The following TBC1D22A variants were observed in gnomAD, a reference collection of about 807,000 sequenced individuals.
TBC1D22A encodes putative GTPase activator.
Under a neutral mutation model 60.2 loss-of-function variants are expected in TBC1D22A, and 38 were observed. The ratio of observed to expected loss-of-function variants is 0.63; its 90% CI spans 0.49 to 0.83. The LOEUF is 0.83. TBC1D22A is among the 40% of genes least tolerant of loss of function. The probability of loss-of-function intolerance (pLI) is 0.00; values close to 1 mark genes in which losing one functional copy is unlikely to be tolerated. For synonymous variants in TBC1D22A, 302 were observed against 281.7 expected (o/e 1.07, Z -0.72); for missense variants, 628 against 701.0 (o/e 0.90, Z 1.18).
At chr22:47,023,829 A>G (rs973276215) in intron 10 of TBC1D22A, among the ~76,000 whole-genome samples, 3 of 152,248 alleles carry the variant, frequency 2.0e-5, no homozygotes, top group Non-Finnish European at 2.9e-5. Context: ...GGATACCTGC[A>G]TGACAAGCAA....
chr22:46,908,989 T>C (rs755641714), intron 7 of TBC1D22A, among the ~76,000 whole-genome samples: 1 of 152,072 alleles, frequency 6.6e-6, no homozygotes, highest in Non-Finnish European at 1.5e-5. Flanking sequence ...CCTGCGCAGA[T>C]CTCTCCCCTG....
intron 11 of TBC1D22A, among the ~76,000 whole-genome samples, chr22:47,086,032 A>G (rs990771658): frequency 1.3e-5 from 2 of 152,248 alleles, no homozygotes; most frequent in East Asian, 3.8e-4. Context: ...AGTGCCCACT[A>G]GAATCAAGAA....
chr22:46,887,014 A>G (rs1449230962), intron 5 of TBC1D22A, among the ~76,000 whole-genome samples: 5 of 152,258 alleles, frequency 3.3e-5, no homozygotes, highest in African/African-American at 1.2e-4. Flanking sequence ...ACTGGGCTAC[A>G]TTAAAGTTAG....
intron 1 of TBC1D22A, among the ~76,000 whole-genome samples, chr22:46,788,557 C>G (rs2084265836): frequency 6.6e-6 from 1 of 152,110 alleles, no homozygotes; most frequent in South Asian, 2.1e-4. Flanking sequence ...GTAAAAGTAT[C>G]CAGCACCAGC....
At chr22:46,827,419 G>GTT (rs1343717875) in intron 4 of TBC1D22A, among the ~76,000 whole-genome samples, 1 of 152,208 alleles carries the variant, frequency 6.6e-6, no homozygotes, top group Non-Finnish European at 1.5e-5. Context: ...TCTAAAACAT[G>GTT]ACTACCTCAC....
chr22:47,001,985 AT>A (rs1329405547), intron 10 of TBC1D22A, among the ~76,000 whole-genome samples: 1 of 152,214 alleles, frequency 6.6e-6, no homozygotes, highest in Non-Finnish European at 1.5e-5. Flanking sequence ...CAAAGAGGGT[AT>A]GCTGTTCTTT....
intron 11 of TBC1D22A, among the ~76,000 whole-genome samples, chr22:47,064,111 G>C (rs556385569): frequency 6.6e-6 from 1 of 152,372 alleles, no homozygotes; most frequent in Non-Finnish European, 1.5e-5. Flanking sequence ...ACCAGGACCG[G>C]GGCTTGAGGG....
intron 7 of TBC1D22A, 52 bp downstream of exon 7, chr22:46,894,898 C>T (rs1314894524): frequency 1.3e-6 from 2 of 1,598,712 alleles, no homozygotes; most frequent in Admixed American, 1.7e-5. Flanking sequence ...GGCTGATGCC[C>T]ACTGTGCTAA....
At chr22:46,861,583 T>A (rs2087889147) in intron 4 of TBC1D22A, among the ~76,000 whole-genome samples, 1 of 152,240 alleles carries the variant, frequency 6.6e-6, no homozygotes, top group Non-Finnish European at 1.5e-5. Flanking sequence ...CATCCTCAGA[T>A]TCTGTCTCTC....
At chr22:46,899,851 G>A (rs2068887353) in intron 7 of TBC1D22A, among the ~76,000 whole-genome samples, 1 of 152,090 alleles carries the variant, frequency 6.6e-6, no homozygotes, top group African/African-American at 2.4e-5. Flanking sequence ...TGTATACTTA[G>A]CTGTATGGAT....
chr22:47,028,989 C>T lies in TBC1D22A; in HGVS notation c.1202-8082C>T, dbSNP rs574515504. Among the ~76,000 whole-genome samples, 9 of 152,362 alleles carry T rather than the reference C, an allele frequency of 5.9e-5. No individual in the cohort carries two copies. The highest frequency in any genetic ancestry group is 1.9e-4 in the East Asian group (1 of 5,182). On this transcript the variant is annotated intron_variant, in intron 10 of 12. Transcript: ENST00000337137. This position sits in a 1 kb window ranked among gnomAD's most constrained non-coding sequence, Gnocchi z 4.4. Reference sequence around the variant, plus strand: ...TCAGTGGTCCCCAGGCCACCTGCACCTCTGCCCAGCTGGCTGTAAATTCAG... The same window carrying T: ...TCAGTGGTCCCCAGGCCACCTGCACTTCTGCCCAGCTGGCTGTAAATTCAG...
In TBC1D22A at chr22:46,762,900, G is replaced by A. The variant is rs113595349; in HGVS notation, c.62+52G>A. On this transcript the variant is annotated intron_variant, in intron 1 of 12. Coordinates refer to ENST00000337137, the MANE Select transcript of TBC1D22A (RefSeq NM_014346.5). ...GGGGTCAGGGGTCAGAGGTCAGGTG[G>A]CCGCGTTGGCCTCCTGGGCTGCGGG... The A allele has an allele frequency of 1.2e-5, 17 of 1,453,264 alleles. No homozygotes were observed. The African/African-American group carries it at 1.2e-4, about 10-fold the overall frequency. 90.0% of individuals were successfully genotyped at this position (1,453,264 alleles called of 1,614,324 possible). A position where few individuals can be genotyped will look rare whatever the true frequency, so the allele number is the denominator to read the frequency against.
chr22:46,827,450 G>A (rs558543374), intron 4 of TBC1D22A, among the ~76,000 whole-genome samples: 1 of 152,286 alleles, frequency 6.6e-6, no homozygotes, highest in South Asian at 2.1e-4. Flanking sequence ...TATCCCTAAG[G>A]CATTTCAGCC....
intron 6 of TBC1D22A, 75 bp from the exon 7 acceptor site, chr22:46,894,709 G>A: frequency 6.4e-7 from 1 of 1,561,028 alleles, no homozygotes; most frequent in Non-Finnish European, 8.8e-7. Context: ...CCTCAGTATT[G>A]CTGTTTTAAT....
chr22:46,803,747 G>A (rs2085005361), intron 4 of TBC1D22A, among the ~76,000 whole-genome samples: 1 of 152,216 alleles, frequency 6.6e-6, no homozygotes. Flanking sequence ...TCAGGGAAGG[G>A]CTTTGTCAAG....
intron 11 of TBC1D22A, among the ~76,000 whole-genome samples, chr22:47,076,369 A>C (rs1414663793): frequency 9.6e-6 from 1 of 104,414 alleles, no homozygotes; most frequent in Admixed American, 1.1e-4. Flanking sequence ...GTGTATATAT[A>C]TATATATATA....
Position 46,972,487 on chromosome 22 carries a change from C to T in TBC1D22A, c.1016-1803C>T, listed in dbSNP as rs5767426. ...AAGAGGAGTGAGGCATTGACACGGG[C>T]TGCCGCATGGATGACTCTGGAGAAC... On this transcript the variant is annotated intron_variant, in intron 8 of 12. Transcript: ENST00000337137. Among the ~76,000 whole-genome samples, 5 of 152,318 alleles carry T rather than the reference C, an allele frequency of 3.3e-5. No homozygotes were observed. The East Asian group carries it at 9.7e-4, about 29-fold the overall frequency.
At chr22:46,986,492 C>T (rs1233987105) in intron 9 of TBC1D22A, among the ~76,000 whole-genome samples, 1 of 150,906 alleles carries the variant, frequency 6.6e-6, no homozygotes, top group Non-Finnish European at 1.5e-5. Context: ...AATATTGAGT[C>T]TTCTTACCCG....
At chr22:46,983,319 T>C (rs2074589214) in intron 9 of TBC1D22A, among the ~76,000 whole-genome samples, 1 of 152,236 alleles carries the variant, frequency 6.6e-6, no homozygotes, top group Non-Finnish European at 1.5e-5. Flanking sequence ...GAGCCTCCCA[T>C]TTAAGCGTCA....
Sources: gnomAD v4.1 joint callset for allele counts (sites outside exome capture counted in the v4.1 genomes callset) on GRCh38, gnomAD v4.1.1 for gene constraint, Gnocchi (gnomAD v3.1) non-coding constraint, MANE v1.5 for transcripts, NCBI Gene and HGNC (gene_info 2026-07-23, HGNC 2026-07-21) for gene names.